The following SETBP1 variants were observed in gnomAD, a reference collection of about 807,000 sequenced individuals.
The protein encoded by SETBP1 is SET-binding protein.
Under a neutral mutation model 101.0 loss-of-function variants are expected in SETBP1, and 9 were observed. The observed-to-expected ratio is 0.09, with a 90% CI of 0.05 to 0.16. The LOEUF is 0.16. Among genes scored for constraint, SETBP1 ranks in the 10% least tolerant of loss-of-function variants. The pLI is 1.00. For synonymous variants in SETBP1, 818 were observed against 788.5 expected (o/e 1.04, Z -0.63); for missense variants, 1,858 against 2,033.8 (o/e 0.91, Z 1.66).
chr18:45,031,758 G>T (rs902934412), intron 4 of SETBP1, among the ~76,000 whole-genome samples: 2 of 152,050 alleles, frequency 1.3e-5, no homozygotes, highest in Admixed American at 6.6e-5. Flanking sequence ...TTTTACAATT[G>T]CCTAGAAGAA....
chr18:44,908,152 C>T (rs551914015), intron 3 of SETBP1, among the ~76,000 whole-genome samples: 1 of 152,204 alleles, frequency 6.6e-6, no homozygotes, highest in South Asian at 2.1e-4. Flanking sequence ...CCTCCGCCTC[C>T]CGGGTTCAAG....
intron 1 of SETBP1, among the ~76,000 whole-genome samples, chr18:44,698,854 A>T (rs944868344): frequency 5.9e-5 from 9 of 152,132 alleles, no homozygotes; most frequent in East Asian, 1.9e-4. Flanking sequence ...TTTGTATTGA[A>T]TTTTTTTTGT....
Position 44,953,045 on chromosome 18 carries a change from A to G in SETBP1, c.3705A>G (p.Ser1235=). 6.2e-7 allele frequency: 1 copy of G among 1,614,142 alleles called. No individual in the cohort carries two copies. The highest frequency in any genetic ancestry group is 8.5e-7 in the Non-Finnish European group (1 of 1,180,036). ...NFEVDTLSTL[S]LSDAQHWTQA... ...AGGTGGACACCCTGTCTACACTGTC[A>G]CTTTCCGACGCCCAGCATTGGACAC... The change falls in exon 4 of 6, where the codon TCA becomes TCG. Residue 1235 remains serine (S), a synonymous_variant. Coordinates refer to ENST00000649279, the MANE Select transcript of SETBP1 (RefSeq NM_015559.3).
rs375483157 is a variant in SETBP1 at position 44,944,675 on chromosome 18, A to G, written c.541-5206A>G. On this transcript the variant is annotated intron_variant, in intron 3 of 5. Coordinates refer to ENST00000649279, the MANE Select transcript of SETBP1 (RefSeq NM_015559.3). ...TATTTTCCTGCTCATGTAATCCCAA[A>G]TATCTTACAAACAGTAAATTTAAAT... is the stretch of plus-strand genomic sequence containing the variant. 1.6e-4 allele frequency among the ~76,000 whole-genome samples: 25 copies of G among 152,294 alleles called. 1 individual carries two copies. The South Asian group carries it at 5.2e-3, about 32-fold the overall frequency.
intron 3 of SETBP1, among the ~76,000 whole-genome samples, chr18:44,891,992 C>T (rs1286258641): frequency 1.3e-5 from 2 of 152,044 alleles, no homozygotes; most frequent in Non-Finnish European, 2.9e-5. Flanking sequence ...GAAACCCAGA[C>T]TCAAAAGTTG....
chr18:44,727,262 G>A (rs914277892), intron 2 of SETBP1, among the ~76,000 whole-genome samples: 1 of 151,578 alleles, frequency 6.6e-6, no homozygotes, highest in African/African-American at 2.4e-5. Flanking sequence ...TACTGTCAGT[G>A]TCCTTATTTC....
At chr18:44,708,454 AT>A (rs1250530347) in intron 2 of SETBP1, among the ~76,000 whole-genome samples, 1 of 152,204 alleles carries the variant, frequency 6.6e-6, no homozygotes, top group Non-Finnish European at 1.5e-5. Flanking sequence ...ATTTAAAAAC[AT>A]TTTTAAGTAC....
At chr18:44,943,693 T>G (rs1273761518) in intron 3 of SETBP1, among the ~76,000 whole-genome samples, 1 of 152,230 alleles carries the variant, frequency 6.6e-6, no homozygotes, top group Admixed American at 6.5e-5. Context: ...TTGCATTCTT[T>G]GTCTCCCACA....
intron 3 of SETBP1, among the ~76,000 whole-genome samples, chr18:44,924,736 G>A (rs2070660061): frequency 6.6e-6 from 1 of 152,132 alleles, no homozygotes; most frequent in Non-Finnish European, 1.5e-5. Context: ...CAACTCACCT[G>A]ATTATTTAGT....
Position 44,902,801 on chromosome 18 carries a change from G to A in SETBP1, c.540+33518G>A, listed in dbSNP as rs185401812. ...CTGACTTATGTTATTGGGATTATTAGTGCCTCATTAATTCAGCAATAAATG... is the reference window on the plus strand; with the variant it reads ...CTGACTTATGTTATTGGGATTATTAATGCCTCATTAATTCAGCAATAAATG... On this transcript the variant is annotated intron_variant, in intron 3 of 5. Transcript: ENST00000649279. Among the ~76,000 whole-genome samples the A allele has an allele frequency of 3.9e-3, 597 of 152,014 alleles. 3 individuals carry two copies. The highest frequency in any genetic ancestry group is 0.014 in the African/African-American group (577 of 41,482).
rs1012718749 is a variant in SETBP1, at chr18:45,067,210, G to A, written c.*3512G>A. On this transcript the variant is annotated 3_prime_UTR_variant, in exon 6 of 6. Coordinates refer to ENST00000649279, the MANE Select transcript of SETBP1 (RefSeq NM_015559.3). ...CAGAATTTGTGTTCTGCGCATTGCT[G>A]GGTCTATAAATATGATAAGCAAGTG... The A allele has an allele frequency of 1.3e-5, 2 of 152,118 alleles. No homozygotes were observed. The highest frequency in any genetic ancestry group is 2.9e-5 in the Non-Finnish European group (2 of 68,030). 9.4% of individuals were successfully genotyped at this position (152,118 alleles called of 1,614,324 possible). A position where few individuals can be genotyped will look rare whatever the true frequency, so the allele number is the denominator to read the frequency against.
chr18:44,715,062 T>C (rs562562587), intron 2 of SETBP1, among the ~76,000 whole-genome samples: 9 of 152,318 alleles, frequency 5.9e-5, no homozygotes, highest in African/African-American at 2.2e-4. Context: ...TGTTTGGGAC[T>C]CAAACCCTCA....
intron 4 of SETBP1, among the ~76,000 whole-genome samples, chr18:45,010,331 A>T (rs978939118): frequency 3.3e-5 from 5 of 152,144 alleles, no homozygotes; most frequent in African/African-American, 1.2e-4. Context: ...AATTCTTCTC[A>T]ATTTAGGAGG....
intron 3 of SETBP1, among the ~76,000 whole-genome samples, chr18:44,902,483 G>A (rs1258410569): frequency 6.6e-6 from 1 of 151,614 alleles, no homozygotes; most frequent in Non-Finnish European, 1.5e-5. Context: ...GCCAGGCAGG[G>A]GTGGGTGGGC....
intron 2 of SETBP1, among the ~76,000 whole-genome samples, chr18:44,837,689 T>C (rs1206959822): frequency 6.6e-6 from 1 of 152,140 alleles, no homozygotes; most frequent in Admixed American, 6.5e-5. Flanking sequence ...GACACATGCA[T>C]TCCTAGGATG....
chr18:44,983,135 T>G (rs976630587), intron 4 of SETBP1, among the ~76,000 whole-genome samples: 3 of 152,046 alleles, frequency 2.0e-5, no homozygotes, highest in Non-Finnish European at 2.9e-5. Context: ...ATTATGAACA[T>G]TGAAAAATGA....
chr18:44,709,812 A>ATTTT (rs35610551), intron 2 of SETBP1, among the ~76,000 whole-genome samples: 2 of 121,596 alleles, frequency 1.6e-5, no homozygotes, highest in Admixed American at 8.7e-5. Flanking sequence ...ATCACTAATG[A>ATTTT]TTTTTTTTTT....
At chr18:44,891,390 A>C (rs992097122) in intron 3 of SETBP1, among the ~76,000 whole-genome samples, 2 of 152,182 alleles carry the variant, frequency 1.3e-5, no homozygotes, top group Non-Finnish European at 2.9e-5. Context: ...ATACACATTC[A>C]GTCAGCAAAC....
chr18:44,776,865 T>C (rs1461247409), intron 2 of SETBP1, among the ~76,000 whole-genome samples: 3 of 152,168 alleles, frequency 2.0e-5, no homozygotes, highest in Non-Finnish European at 2.9e-5. Context: ...TGAGGTCTTG[T>C]CCTGGGCATT....
Sources: gnomAD v4.1 joint callset for allele counts (sites outside exome capture counted in the v4.1 genomes callset) on GRCh38, gnomAD v4.1.1 for gene constraint, MANE v1.5 for transcripts, NCBI Gene and HGNC (gene_info 2026-07-23, HGNC 2026-07-21) for gene names.